MYBPC1: variants seen among roughly 807,000 people sequenced by gnomAD.
The protein encoded by MYBPC1 is myosin-binding protein C, slow-type.
A neutral mutation model predicts 147.1 loss-of-function variants in MYBPC1; 52 were observed. That is an observed-to-expected ratio of 0.35 (90% CI 0.28 to 0.45). The LOEUF (loss-of-function observed/expected upper bound fraction) is 0.45, where lower values mean the gene tolerates loss of function less well. MYBPC1 is among the 20% of genes least tolerant of loss of function. The probability of loss-of-function intolerance (pLI) is 1.00; values close to 1 mark genes in which losing one functional copy is unlikely to be tolerated. For missense variants in MYBPC1, 1,228 were observed against 1,440.3 expected (o/e 0.85, Z 2.39); for synonymous variants, 477 against 475.9 (o/e 1.00, Z -0.03).
chr12:101,627,843 T>C, intron 5 of MYBPC1, 39 bp downstream of exon 5: 1 of 1,586,626 alleles, frequency 6.3e-7, no homozygotes, highest in Non-Finnish European at 8.7e-7. Context: ...GACCTCATCC[T>C]AATACAATCA....
chr12:101,619,197 G>C (rs888965086), intron 3 of MYBPC1, among the ~76,000 whole-genome samples: 1 of 151,744 alleles, frequency 6.6e-6, no homozygotes. Flanking sequence ...GAACTCTCCT[G>C]CTCTCCCTCC....
intron 1 of MYBPC1, among the ~76,000 whole-genome samples, chr12:101,608,705 C>T (rs1432064572): frequency 6.6e-6 from 1 of 152,160 alleles, no homozygotes; most frequent in Non-Finnish European, 1.5e-5. Context: ...TTTTGGGGAG[C>T]CCCGATTTTA....
downstream of MYBPC1, among the ~76,000 whole-genome samples, chr12:101,689,796 C>T (rs183544944): frequency 2.0e-4 from 30 of 152,304 alleles, no homozygotes; most frequent in East Asian, 5.8e-3. Context: ...CCCAAGCCTC[C>T]TAAGACTGTG....
At chr12:101,695,245 C>G in the MYBPC1 span, among the ~76,000 whole-genome samples, 1 of 152,136 alleles carries the variant, frequency 6.6e-6, no homozygotes, top group East Asian at 1.9e-4. Flanking sequence ...ATGGATAATG[C>G]CGAACCCTAT....
In MYBPC1 at chr12:101,670,394, G is replaced by T. The variant is rs571627019; in HGVS notation, c.2598G>T (p.Leu866=). The T allele has an allele frequency of 1.2e-6, 2 of 1,613,706 alleles. No homozygotes were observed. Among genetic ancestry groups the T allele is most frequent in the African/African-American group, 2.7e-5 (2 of 75,022 alleles). Residue 866 remains leucine (L), a synonymous_variant, in exon 24 of 32, where the codon CTG becomes CTT. Transcript: ENST00000361466. ...GCAGAGTTGGAGAAGCTGTCAATCT[G>T]GTTATACCTTTCCAGGTAAGAGTTC... The part of the protein sequence containing the change: ...YIRRVGEAVN[L]VIPFQGKPRP...
intron 1 of MYBPC1, among the ~76,000 whole-genome samples, chr12:101,605,315 A>G (rs1794715956): frequency 6.6e-6 from 1 of 152,372 alleles, no homozygotes; most frequent in Non-Finnish European, 1.5e-5. Context: ...TCAAAGCTGC[A>G]GATGTATATG....
At chr12:101,606,899 A>T (rs150816147) in intron 1 of MYBPC1, among the ~76,000 whole-genome samples, 75 of 152,160 alleles carry the variant, frequency 4.9e-4, no homozygotes, top group African/African-American at 1.7e-3. Flanking sequence ...ATCTTGACTC[A>T]CTGCAACCTT....
At chr12:101,615,482 C>A (rs949203702) in intron 2 of MYBPC1, among the ~76,000 whole-genome samples, 1 of 152,088 alleles carries the variant, frequency 6.6e-6, no homozygotes, top group African/African-American at 2.4e-5. Context: ...CTATCATGTA[C>A]GTATTGATAG....
chr12:101,595,368 G>C (rs1474511852), intron 1 of MYBPC1, among the ~76,000 whole-genome samples: 1 of 152,128 alleles, frequency 6.6e-6, no homozygotes, highest in Non-Finnish European at 1.5e-5. Context: ...AATCCTTAAA[G>C]TGTAATTTAA....
chr12:101,598,881 C>G lies in MYBPC1; in HGVS notation c.25+3786C>G, dbSNP rs573798869. ...ACAGGTGTGAGCCACTGTGCCTGGC[C>G]TATTAACTGTCAGATACTATAAAAC... On this transcript the variant is annotated intron_variant, in intron 1 of 31. Coordinates refer to ENST00000361466, the MANE Select transcript of MYBPC1 (RefSeq NM_002465.4). Among the ~76,000 whole-genome samples the G allele has an allele frequency of 2.0e-5, 3 of 152,262 alleles. No individual in the cohort carries two copies. In the East Asian group the frequency reaches 5.8e-4, roughly 29 times the overall value.
intron 16 of MYBPC1, 58 bp from the exon 17 acceptor site, chr12:101,652,620 G>T: frequency 8.2e-7 from 1 of 1,212,952 alleles, no homozygotes; most frequent in South Asian, 1.2e-5. Context: ...TTTCAGCTTG[G>T]GTCATATATA....
chr12:101,633,715 G>T (rs151210515), intron 8 of MYBPC1, among the ~76,000 whole-genome samples: 2 of 151,464 alleles, frequency 1.3e-5, no homozygotes, highest in Admixed American at 6.6e-5. Flanking sequence ...CGAGCTCTTC[G>T]GTTAAAGCTA....
intron 17 of MYBPC1, 131 bp from the exon 18 acceptor site, chr12:101,652,984 A>C: frequency 3.0e-6 from 4 of 1,314,984 alleles, no homozygotes; most frequent in Non-Finnish European, 4.2e-6. Flanking sequence ...GGCACCAACT[A>C]TCTTGACTCC....
At chr12:101,595,600 C>T (rs1054057500) in intron 1 of MYBPC1, among the ~76,000 whole-genome samples, 5 of 151,732 alleles carry the variant, frequency 3.3e-5, no homozygotes, top group Admixed American at 6.6e-5. Flanking sequence ...AATATACAGA[C>T]GAAGGGTTTT....
Position 101,636,745 on chromosome 12 carries a change from G to A in MYBPC1, c.665+17G>A, listed in dbSNP as rs145644591. The A allele has an allele frequency of 6.7e-5, 108 of 1,609,920 alleles. No individual in the cohort carries two copies. The East Asian group carries it at 2.3e-3, about 35-fold the overall frequency. On this transcript the variant is annotated intron_variant, in intron 10 of 31. Coordinates refer to ENST00000361466, the MANE Select transcript of MYBPC1 (RefSeq NM_002465.4). ...GAAACGTAGGTGAGAACAAAGTGAT[G>A]GAGTGAGACATTGTGGCCTGGAAGT...
At chr12:101,690,562 T>C (rs990892125), downstream of MYBPC1, among the ~76,000 whole-genome samples, 2 of 152,186 alleles carry the variant, frequency 1.3e-5, no homozygotes, top group Non-Finnish European at 2.9e-5. Flanking sequence ...ATAGAAAGCA[T>C]TTTAGAGCAG....
At chr12:101,655,868 A>C (rs1194322663) in intron 18 of MYBPC1, among the ~76,000 whole-genome samples, 4 of 109,122 alleles carry the variant, frequency 3.7e-5, no homozygotes, top group Non-Finnish European at 7.4e-5. Flanking sequence ...ATAAAGAATA[A>C]GTGAAGGTAA....
intron 18 of MYBPC1, among the ~76,000 whole-genome samples, chr12:101,655,154 G>C (rs1609140): frequency 0.91 from 138,458 of 152,226 alleles, 63,276 homozygotes; most frequent in East Asian, 1. Context: ...GTTATTTTAA[G>C]TGTATTCCAT....
intron 2 of MYBPC1, among the ~76,000 whole-genome samples, chr12:101,615,813 T>A (rs1885867300): frequency 6.6e-6 from 1 of 151,988 alleles, no homozygotes; most frequent in Non-Finnish European, 1.5e-5. Context: ...TCTAATCATC[T>A]TTTCACACAA....
Sources: allele counts gnomAD v4.1 joint callset (sites outside exome capture counted in the v4.1 genomes callset), GRCh38; gene constraint gnomAD v4.1.1; transcripts MANE v1.5; gene names NCBI Gene and HGNC (gene_info 2026-07-23, HGNC 2026-07-21).